RNF32: variants seen among roughly 807,000 people sequenced by gnomAD.
The protein encoded by RNF32 is ring finger protein 32.
A neutral mutation model predicts 41.0 loss-of-function variants in RNF32; 36 were observed. That is an observed-to-expected ratio of 0.88 (90% CI 0.67 to 1.16). The LOEUF is 1.16. Among genes scored for constraint, RNF32 ranks in the 50% most tolerant of loss-of-function variants. The pLI is 0.00. For missense variants in RNF32, 413 were observed against 436.7 expected (o/e 0.95, Z 0.48); for synonymous variants, 154 against 160.9 (o/e 0.96, Z 0.32).
At chr7:156,640,282 G>A (rs187536737), upstream of RNF32, 318 of 448,814 alleles carry the variant, frequency 7.1e-4, no homozygotes, top group Middle Eastern at 1.7e-3. Flanking sequence ...CGAGACCCTG[G>A]AACGGGAACG....
chr7:156,653,022 CG>C (rs1563075580), intron 3 of RNF32, among the ~76,000 whole-genome samples: 1 of 152,018 alleles, frequency 6.6e-6, no homozygotes, highest in African/African-American at 2.4e-5. Flanking sequence ...TTTAGTGTAG[CG>C]TAAGTGTAGA....
intron 3 of RNF32, among the ~76,000 whole-genome samples, chr7:156,650,018 G>T: frequency 9.9e-6 from 1 of 101,508 alleles, no homozygotes; most frequent in African/African-American, 7.5e-5. Flanking sequence ...AATCATCTGG[G>T]CCTGAGGCTT....
intron 3 of RNF32, 24 bp downstream of exon 3, chr7:156,644,781 T>C: frequency 6.3e-7 from 1 of 1,584,648 alleles, no homozygotes. Flanking sequence ...GTCATTCATC[T>C]TTTGGCTTAT....
rs181520407 is a variant in RNF32, at chr7:156,668,645, G to A, written c.685-7051G>A. Among the ~76,000 whole-genome samples the A allele has an allele frequency of 1.7e-3, 258 of 152,314 alleles. 1 individual carries two copies. The highest frequency in any genetic ancestry group is 5.9e-3 in the African/African-American group (246 of 41,572). On this transcript the variant is annotated intron_variant, in intron 7 of 8. Transcript: ENST00000317955. ...AGCCTGGCGATCCCTCCCTCACTCC[G>A]TGTCTCCCGGAGTCCAGTGCCACAG...
At chr7:156,658,027 TG>T in intron 5 of RNF32, 100 bp from the exon 6 acceptor site, 1 of 1,226,088 alleles carries the variant, frequency 8.2e-7, no homozygotes, top group Non-Finnish European at 1.2e-6. Context: ...CTCATAGTTA[TG>T]GGAGAAAAGA....
chr7:156,645,532 G>T (rs1797869120), intron 3 of RNF32, among the ~76,000 whole-genome samples: 3 of 152,218 alleles, frequency 2.0e-5, no homozygotes, highest in African/African-American at 7.2e-5. Context: ...GATTACAGGA[G>T]ACCCAGGGGA....
In RNF32 at chr7:156,650,768, C is replaced by T. The variant is rs144261152; in HGVS notation, c.275-3808C>T. Among the ~76,000 whole-genome samples the T allele has an allele frequency of 1.6e-3, 246 of 152,344 alleles. 4 individuals carry two copies. In the East Asian group the frequency reaches 0.04, roughly 25 times the overall value. On this transcript the variant is annotated intron_variant, in intron 3 of 8. Transcript: ENST00000317955. ...CTGCTCCCACACCTTGAGCCAAAGGCAAAGAGCTGCCCTGAGGCAGCGCCC... is the reference window on the plus strand; with the variant it reads ...CTGCTCCCACACCTTGAGCCAAAGGTAAAGAGCTGCCCTGAGGCAGCGCCC...
At chr7:156,651,514 A>G (rs542077236) in intron 3 of RNF32, among the ~76,000 whole-genome samples, 1 of 152,142 alleles carries the variant, frequency 6.6e-6, no homozygotes, top group Non-Finnish European at 1.5e-5. Context: ...ATGCCCAGCC[A>G]TATTTTTAAT....
At chr7:156,657,615 G>A (rs764597490) in intron 5 of RNF32, 42 bp downstream of exon 5, 4 of 1,595,382 alleles carry the variant, frequency 2.5e-6, no homozygotes, top group Admixed American at 3.3e-5. Context: ...TGCACATGTC[G>A]CTCTCACAGT....
chr7:156,660,168 G>C (rs942900708), intron 7 of RNF32: 1 of 985,600 alleles, frequency 1.0e-6, no homozygotes, highest in Non-Finnish European at 1.2e-6. Context: ...GCACACTCTT[G>C]CCCGCCCCCG....
intron 4 of RNF32, among the ~76,000 whole-genome samples, chr7:156,656,802 T>C (rs963832962): frequency 6.6e-6 from 1 of 152,214 alleles, no homozygotes; most frequent in African/African-American, 2.4e-5. Context: ...TCCCCTGCTT[T>C]CCTCCCCGTT....
Position 156,654,575 on chromosome 7 carries a change from G to A in RNF32, c.275-1G>A, listed in dbSNP as rs1799313064. 2 of 1,613,530 alleles carry A rather than the reference G, an allele frequency of 1.2e-6. No homozygotes were observed. The highest frequency in any genetic ancestry group is 8.5e-7 in the Non-Finnish European group (1 of 1,179,638). Reference sequence around the variant, plus strand: ...TCCTGTCCTGTGCTGTCTTACTTTAGCACAGAAGTTGGGCCTCATTGGGCC... The same window carrying A: ...TCCTGTCCTGTGCTGTCTTACTTTAACACAGAAGTTGGGCCTCATTGGGCC... On this transcript the variant is annotated splice_acceptor_variant, in intron 3 of 8. Transcript: ENST00000317955. LOFTEE classifies it high-confidence loss of function.
intron 3 of RNF32, among the ~76,000 whole-genome samples, chr7:156,645,075 T>TA (rs1268728053): frequency 6.6e-6 from 1 of 152,140 alleles, no homozygotes; most frequent in Non-Finnish European, 1.5e-5. Flanking sequence ...AGAATGAATA[T>TA]AACTCATAAG....
At chr7:156,651,785 ATCATCAC>A (rs1272317703) in intron 3 of RNF32, among the ~76,000 whole-genome samples, 2 of 152,146 alleles carry the variant, frequency 1.3e-5, no homozygotes, top group Non-Finnish European at 2.9e-5. Flanking sequence ...AGTTTCCTCT[ATCATCAC>A]TCATCACTGA....
chr7:156,656,264 G>T (rs530032462), intron 4 of RNF32, among the ~76,000 whole-genome samples: 1 of 152,172 alleles, frequency 6.6e-6, no homozygotes, highest in Non-Finnish European at 1.5e-5. Context: ...GCCATTTTTA[G>T]TGTGTTTTCC....
intron 7 of RNF32, among the ~76,000 whole-genome samples, chr7:156,673,260 C>A (rs1256727079): frequency 2.0e-5 from 3 of 152,164 alleles, no homozygotes; most frequent in South Asian, 2.1e-4. Context: ...GCTTTTCAGG[C>A]ATATGTGGAA....
chr7:156,644,278 T>C (rs558786632), intron 2 of RNF32, among the ~76,000 whole-genome samples: 4 of 152,354 alleles, frequency 2.6e-5, no homozygotes, highest in African/African-American at 9.6e-5. Flanking sequence ...ATTCATATTA[T>C]AATTAAGGCT....
chr7:156,658,383 A>G (rs571375134), intron 6 of RNF32, 79 bp from the exon 7 acceptor site: 3 of 1,511,020 alleles, frequency 2.0e-6, no homozygotes, highest in African/African-American at 1.4e-5. Flanking sequence ...TGTACAGCAC[A>G]GGGCTTATAA....
intron 7 of RNF32, among the ~76,000 whole-genome samples, chr7:156,664,607 G>T (rs1308203800): frequency 2.0e-5 from 3 of 152,092 alleles, no homozygotes; most frequent in Non-Finnish European, 4.4e-5. Flanking sequence ...TAATGTTTAG[G>T]GGTTGCATCT....
Sources: allele counts gnomAD v4.1 joint callset (sites outside exome capture counted in the v4.1 genomes callset), GRCh38; gene constraint gnomAD v4.1.1; transcripts MANE v1.5; gene names NCBI Gene and HGNC (gene_info 2026-07-23, HGNC 2026-07-21).